RPRD1B: variants seen among roughly 807,000 people sequenced by gnomAD.
The protein encoded by RPRD1B is regulation of nuclear pre-mRNA domain containing 1B.
In RPRD1B, 11 loss-of-function variants were observed where a neutral mutation model predicts 41.5. That is an observed-to-expected ratio of 0.27 (90% CI 0.17 to 0.44). The LOEUF is 0.44. Ranked by LOEUF, RPRD1B falls within the 20% of genes least tolerant of loss-of-function variation. RPRD1B has a pLI of 1.00. For missense variants in RPRD1B, 248 were observed against 389.9 expected, an observed-to-expected ratio of 0.64 and a Z score of 3.06; for synonymous variants, 158 against 155.6, an observed-to-expected ratio of 1.02 and a Z score of -0.12.
intron 2 of RPRD1B, among the ~76,000 whole-genome samples, chr20:38,047,115 G>A (rs1246930464): frequency 6.6e-6 from 1 of 152,046 alleles, no homozygotes; most frequent in East Asian, 1.9e-4. Context: ...GAGTAAAAGT[G>A]TTTTATCACA....
chr20:38,086,084 G>A (rs377421810), intron 6 of RPRD1B, among the ~76,000 whole-genome samples: 5 of 152,084 alleles, frequency 3.3e-5, no homozygotes, highest in African/African-American at 4.8e-5. Context: ...CAAAGTGTTG[G>A]GATTACAGGC....
At chr20:38,075,382 T>C (rs2074449317) in intron 6 of RPRD1B, among the ~76,000 whole-genome samples, 1 of 152,264 alleles carries the variant, frequency 6.6e-6, no homozygotes, top group African/African-American at 2.4e-5. Context: ...TTCTGGCTTT[T>C]AAATGATCTT....
chr20:38,083,813 C>T (rs1413915256), intron 6 of RPRD1B: 1 of 152,046 alleles, frequency 6.6e-6, no homozygotes. Context: ...TTGTATCTTA[C>T]CCAGTGTCTT....
intron 6 of RPRD1B, among the ~76,000 whole-genome samples, chr20:38,078,470 C>G (rs886787104): frequency 2.0e-5 from 3 of 152,098 alleles, no homozygotes; most frequent in African/African-American, 4.8e-5. Flanking sequence ...CCACCCCAAC[C>G]CCCCAGCCCC....
rs1284107738 is a variant in RPRD1B, at chr20:38,055,649, CG to C, written c.416-1881del. Among the ~76,000 whole-genome samples, 5 of 152,250 alleles carry C rather than the reference CG, an allele frequency of 3.3e-5. No individual in the cohort carries two copies. In the East Asian group the frequency reaches 9.6e-4, roughly 29 times the overall value. On this transcript the variant is annotated intron_variant, in intron 3 of 6. Transcript: ENST00000373433. Reference sequence around the variant, plus strand: ...TAATATGCCATTGGGATTTCAGTTCCGGCATTAGCTTTTGTTTCAGTTTCTT... The same window carrying C: ...TAATATGCCATTGGGATTTCAGTTCCGCATTAGCTTTTGTTTCAGTTTCTT...
chr20:38,038,014 T>G (rs933049341), intron 1 of RPRD1B, among the ~76,000 whole-genome samples: 4 of 152,240 alleles, frequency 2.6e-5, no homozygotes, highest in African/African-American at 9.6e-5. Context: ...CAAGGTTTGC[T>G]TTAACAAAAA....
intron 6 of RPRD1B, among the ~76,000 whole-genome samples, chr20:38,078,401 G>A (rs1465815685): frequency 6.6e-6 from 1 of 152,074 alleles, no homozygotes; most frequent in African/African-American, 2.4e-5. Context: ...TAATTCCTGT[G>A]TTCACCATTT....
At chr20:38,047,321 G>A (rs1239958795) in intron 2 of RPRD1B, among the ~76,000 whole-genome samples, 3 of 152,120 alleles carry the variant, frequency 2.0e-5, no homozygotes, top group African/African-American at 4.8e-5. Context: ...ATTCTGACTG[G>A]GCTAGGCTGA....
intron 5 of RPRD1B, among the ~76,000 whole-genome samples, chr20:38,063,043 A>G (rs2074316211): frequency 6.6e-6 from 1 of 151,834 alleles, no homozygotes; most frequent in South Asian, 2.1e-4. Flanking sequence ...CAAGACTTTT[A>G]CTATTTTCCC....
In RPRD1B at chr20:38,038,395, C is replaced by T. The variant is rs186467759; in HGVS notation, c.152-2040C>T. On this transcript the variant is annotated intron_variant, in intron 1 of 6. Coordinates refer to ENST00000373433, the MANE Select transcript of RPRD1B (RefSeq NM_021215.4). The stretch of plus-strand genomic sequence containing the variant: ...CGCGATCTCGGCTCACTGCAACCTC[C>T]GCCTCCCAGGTTCAAGTGATTCGCC... 7.1e-3 allele frequency among the ~76,000 whole-genome samples: 1,078 copies of T among 151,580 alleles called. 5 individuals carry two copies. Among genetic ancestry groups the T allele is most frequent in the African/African-American group, 0.021 (855 of 41,284 alleles).
At chr20:38,082,530 G>C (rs1319140256) in intron 6 of RPRD1B, among the ~76,000 whole-genome samples, 1 of 152,126 alleles carries the variant, frequency 6.6e-6, no homozygotes, top group Non-Finnish European at 1.5e-5. Flanking sequence ...GGGACTACAA[G>C]GCACCTGCTA....
chr20:38,082,993 C>A (rs6068747), intron 6 of RPRD1B, among the ~76,000 whole-genome samples: 31,372 of 152,058 alleles, frequency 0.21, 3,600 homozygotes, highest in African/African-American at 0.32. Context: ...GTTAGTTTGT[C>A]TTTTTCCTTT....
chr20:38,049,367 C>CTTCT (rs2074157145), intron 3 of RPRD1B, among the ~76,000 whole-genome samples: 4 of 93,418 alleles, frequency 4.3e-5, no homozygotes, highest in Admixed American at 1.2e-4. Context: ...TTCTTTTTTT[C>CTTCT]TTTTTTTTTT....
chr20:38,079,826 T>C (rs974244008), intron 6 of RPRD1B, among the ~76,000 whole-genome samples: 1 of 152,212 alleles, frequency 6.6e-6, no homozygotes, highest in Non-Finnish European at 1.5e-5. Flanking sequence ...GCTGAACTAA[T>C]TTACATTCTC....
intron 6 of RPRD1B, among the ~76,000 whole-genome samples, chr20:38,079,166 A>G (rs937653626): frequency 6.6e-6 from 1 of 151,790 alleles, no homozygotes; most frequent in African/African-American, 2.4e-5. Context: ...TTTCATTCCC[A>G]TCTCATACAT....
intron 6 of RPRD1B, among the ~76,000 whole-genome samples, chr20:38,074,730 C>T (rs1418740076): frequency 6.6e-6 from 1 of 152,224 alleles, no homozygotes; most frequent in Non-Finnish European, 1.5e-5. Context: ...TCTGGTTCAA[C>T]TAGTACTCAG....
chr20:38,046,543 G>A (rs2074123153), intron 2 of RPRD1B, among the ~76,000 whole-genome samples: 2 of 152,196 alleles, frequency 1.3e-5, no homozygotes, highest in African/African-American at 2.4e-5. Context: ...TACCAGAAAA[G>A]TTGTATGGAG....
rs142781388 is a variant in RPRD1B at position 38,090,228 on chromosome 20, C to T, written c.*353C>T. 3.1e-4 allele frequency: 307 copies of T among 1,000,484 alleles called. 4 individuals carry two copies. In the East Asian group the frequency reaches 0.023, roughly 76 times the overall value. The allele number at this position is 1,000,484 out of a possible 1,614,324, so 62.0% of individuals were successfully genotyped here. ...GGAAGCTTTCGAAAGAATCTTGTCCCTCATGACAGCATTTTATCATGAAAG... is the reference window on the plus strand; with the variant it reads ...GGAAGCTTTCGAAAGAATCTTGTCCTTCATGACAGCATTTTATCATGAAAG... On this transcript the variant is annotated 3_prime_UTR_variant, in exon 7 of 7. Transcript: ENST00000373433.
chr20:38,091,245 C>T lies in RPRD1B; in HGVS notation c.*1370C>T. On this transcript the variant is annotated 3_prime_UTR_variant, in exon 7 of 7. Transcript: ENST00000373433. ...ATAAAAAGGAATTCAGTGGAGGGGG[C>T]TTTGTAATCTCCATTAATTTGTGTT... 1.0e-6 allele frequency: 1 copy of T among 985,788 alleles called. No individual in the cohort carries two copies. Among genetic ancestry groups the T allele is most frequent in the Non-Finnish European group, 1.2e-6 (1 of 829,920 alleles). The allele number at this position is 985,788 out of a possible 1,614,324, so 61.1% of individuals were successfully genotyped here. A position where few individuals can be genotyped will look rare whatever the true frequency, so the allele number is the denominator to read the frequency against.
Sources: allele counts gnomAD v4.1 joint callset (sites outside exome capture counted in the v4.1 genomes callset), GRCh38; gene constraint gnomAD v4.1.1; transcripts MANE v1.5; gene names NCBI Gene and HGNC (gene_info 2026-07-23, HGNC 2026-07-21).